SDC2: variants seen among roughly 807,000 people sequenced by gnomAD.
The protein encoded by SDC2 is syndecan-2.
Under a neutral mutation model 22.2 loss-of-function variants are expected in SDC2, and 13 were observed. The ratio of observed to expected loss-of-function variants is 0.59; its 90% CI spans 0.38 to 0.93. The LOEUF (loss-of-function observed/expected upper bound fraction) is 0.93. SDC2 is among the 40% of genes least tolerant of loss of function. The pLI, the probability that SDC2 is intolerant of heterozygous loss-of-function variation, is 0.00. For missense variants in SDC2, 235 were observed against 246.8 expected (o/e 0.95, Z 0.32); for synonymous variants, 94 against 92.8 (o/e 1.01, Z -0.07).
At chr8:96,593,613 A>T in intron 2 of SDC2, 22 bp downstream of exon 2, 1 of 1,435,014 alleles carries the variant, frequency 7.0e-7, no homozygotes, top group African/African-American at 1.4e-5. Context: ...GCTTCTAAAC[A>T]CTGGACCTCA....
At chr8:96,523,886 C>T (rs182318911) in intron 1 of SDC2, among the ~76,000 whole-genome samples, 20 of 152,220 alleles carry the variant, frequency 1.3e-4, no homozygotes, top group Admixed American at 2.0e-4. Flanking sequence ...AGTTGCTCAA[C>T]GTGTTGGTAA....
At chr8:96,547,042 T>C (rs1001812056) in intron 1 of SDC2, among the ~76,000 whole-genome samples, 1 of 152,226 alleles carries the variant, frequency 6.6e-6, no homozygotes, top group Non-Finnish European at 1.5e-5. Flanking sequence ...TAGGCTGCTG[T>C]ATTGGGTGTG....
At chr8:96,588,054 G>C (rs1814716424) in intron 1 of SDC2, among the ~76,000 whole-genome samples, 1 of 152,268 alleles carries the variant, frequency 6.6e-6, no homozygotes, top group Non-Finnish European at 1.5e-5. Context: ...ACACCTAACA[G>C]CCACAGCTAA....
intron 1 of SDC2, among the ~76,000 whole-genome samples, chr8:96,532,806 T>C (rs1813687571): frequency 6.6e-6 from 1 of 152,126 alleles, no homozygotes; most frequent in African/African-American, 2.4e-5. Context: ...TGGAGTCATC[T>C]TCTAGAGGTG....
At chr8:96,517,161 G>A (rs1813413934) in intron 1 of SDC2, among the ~76,000 whole-genome samples, 1 of 152,118 alleles carries the variant, frequency 6.6e-6, no homozygotes, top group African/African-American at 2.4e-5. Flanking sequence ...GTATCTTATT[G>A]TGGTTCTGGT....
At chr8:96,583,744 A>G (rs1379768929) in intron 1 of SDC2, among the ~76,000 whole-genome samples, 3 of 151,558 alleles carry the variant, frequency 2.0e-5, no homozygotes, top group Non-Finnish European at 4.4e-5. Flanking sequence ...AAATTGCAAT[A>G]TAGTTGTAAT....
Position 96,576,469 on chromosome 8 carries a change from G to A in SDC2, c.61-17011G>A, listed in dbSNP as rs1479232477. 4.2e-5 allele frequency among the ~76,000 whole-genome samples: 3 copies of A among 72,176 alleles called. No homozygotes were observed. In the East Asian group the frequency reaches 1.1e-3, roughly 27 times the overall value. The allele number at this position is 72,176 out of a possible 152,430, so 47.4% of individuals were successfully genotyped here. ...GAGTCTCGCTCTGTCGCCCAGGCTG[G>A]AGTGCAGTGGCGGGACCTCGGCTCA... On this transcript the variant is annotated intron_variant, in intron 1 of 4. Coordinates refer to ENST00000302190, the MANE Select transcript of SDC2 (RefSeq NM_002998.4).
chr8:96,515,712 A>G (rs73271670), intron 1 of SDC2, among the ~76,000 whole-genome samples: 6,467 of 152,288 alleles, frequency 0.042, 456 homozygotes, highest in African/African-American at 0.15. Flanking sequence ...ACAAGTGAAT[A>G]TACTCCAAAA....
chr8:96,530,588 C>T (rs867377534), intron 1 of SDC2, among the ~76,000 whole-genome samples: 2 of 152,098 alleles, frequency 1.3e-5, no homozygotes, highest in African/African-American at 2.4e-5. Flanking sequence ...GAGCTGTGAT[C>T]GTACCATTGC....
At chr8:96,555,906 T>G (rs549969078) in intron 1 of SDC2, among the ~76,000 whole-genome samples, 1 of 152,196 alleles carries the variant, frequency 6.6e-6, no homozygotes, top group Non-Finnish European at 1.5e-5. Flanking sequence ...AAATTTTCTC[T>G]TAGTCCAAGA....
intron 1 of SDC2, among the ~76,000 whole-genome samples, chr8:96,540,340 G>A (rs374970095): frequency 4.9e-5 from 6 of 123,668 alleles, no homozygotes; most frequent in African/African-American, 1.5e-4. Context: ...ATATATATGT[G>A]TATATATATA....
At chr8:96,572,018 G>A (rs1354285329) in intron 1 of SDC2, among the ~76,000 whole-genome samples, 1 of 152,092 alleles carries the variant, frequency 6.6e-6, no homozygotes, top group African/African-American at 2.4e-5. Context: ...AGGTAAATTG[G>A]GGTTTGTTTA....
intron 1 of SDC2, among the ~76,000 whole-genome samples, chr8:96,541,448 A>G (rs979567193): frequency 1.3e-5 from 2 of 148,806 alleles, no homozygotes; most frequent in African/African-American, 5.0e-5. Context: ...CGGAGGTTGC[A>G]GTGAGCCGAG....
At chr8:96,588,641 GT>G (rs1222835823) in intron 1 of SDC2, among the ~76,000 whole-genome samples, 1 of 152,174 alleles carries the variant, frequency 6.6e-6, no homozygotes, top group African/African-American at 2.4e-5. Flanking sequence ...TTATTTTTAT[GT>G]TCAAAGGCTA....
chr8:96,540,482 A>G (rs1813830331), intron 1 of SDC2, among the ~76,000 whole-genome samples: 1 of 147,554 alleles, frequency 6.8e-6, no homozygotes, highest in African/African-American at 2.5e-5. Flanking sequence ...CTGCACTCCA[A>G]CCTGGGTGAC....
intron 1 of SDC2, among the ~76,000 whole-genome samples, chr8:96,572,347 G>A (rs1462900505): frequency 6.6e-6 from 1 of 152,132 alleles, no homozygotes; most frequent in Non-Finnish European, 1.5e-5. Flanking sequence ...ACCTGCTGAG[G>A]ACCAGTGAGT....
intron 2 of SDC2, among the ~76,000 whole-genome samples, chr8:96,601,118 G>T (rs971959492): frequency 6.6e-6 from 1 of 152,128 alleles, no homozygotes; most frequent in African/African-American, 2.4e-5. Flanking sequence ...GGGTTTGTCC[G>T]GAAGCAGATG....
At chr8:96,526,270 C>G (rs1161962409) in intron 1 of SDC2, among the ~76,000 whole-genome samples, 1 of 152,118 alleles carries the variant, frequency 6.6e-6, no homozygotes, top group Non-Finnish European at 1.5e-5. Context: ...CTCTATAAAG[C>G]TAATACTTGA....
chr8:96,560,612 TGGAA>T (rs764235190), intron 1 of SDC2, among the ~76,000 whole-genome samples: 40 of 152,288 alleles, frequency 2.6e-4, no homozygotes, highest in Non-Finnish European at 4.7e-4. Context: ...ACTTTTAAGA[TGGAA>T]GGAGTTTTTC....
Sources: gnomAD v4.1 joint callset for allele counts (sites outside exome capture counted in the v4.1 genomes callset) on GRCh38, gnomAD v4.1.1 for gene constraint, MANE v1.5 for transcripts, NCBI Gene and HGNC (gene_info 2026-07-23, HGNC 2026-07-21) for gene names.